The following NDUFS4 variants were observed in gnomAD, a reference collection of about 807,000 sequenced individuals.
NDUFS4 encodes the protein NADH dehydrogenase [ubiquinone] iron-sulfur protein 4, mitochondrial.
Under a neutral mutation model 24.3 loss-of-function variants are expected in NDUFS4, and 28 were observed. The observed-to-expected ratio is 1.15, with a 90% confidence interval of 0.85 to 1.58. NDUFS4 has a LOEUF of 1.58. NDUFS4 is among the 40% of genes most tolerant of loss of function. NDUFS4 has a pLI of 0.00. For missense variants in NDUFS4, 223 were observed against 207.9 expected (o/e 1.07, Z -0.45); for synonymous variants, 93 against 69.7 (o/e 1.34, Z -1.67).
At chr5:53,622,292 C>A (rs1751067059) in intron 2 of NDUFS4, among the ~76,000 whole-genome samples, 3 of 152,104 alleles carry the variant, frequency 2.0e-5, no homozygotes, top group Non-Finnish European at 4.4e-5. Context: ...GGTGCCACAA[C>A]AAAATACCAT....
chr5:53,588,676 A>G (rs948012021), intron 1 of NDUFS4, among the ~76,000 whole-genome samples: 1 of 152,152 alleles, frequency 6.6e-6, no homozygotes, highest in African/African-American at 2.4e-5. Context: ...AAAAAACAAT[A>G]TGTCAGTCCA....
At chr5:53,677,302 A>T in intron 4 of NDUFS4, among the ~76,000 whole-genome samples, 1 of 152,214 alleles carries the variant, frequency 6.6e-6, no homozygotes, top group Non-Finnish European at 1.5e-5. Context: ...GAGAGGTGGC[A>T]ATACTCTACA....
At chr5:53,635,624 T>C (rs1751529514) in intron 2 of NDUFS4, among the ~76,000 whole-genome samples, 1 of 152,246 alleles carries the variant, frequency 6.6e-6, no homozygotes, top group Admixed American at 6.5e-5. Flanking sequence ...GTTATACTTT[T>C]GTAATTCTAA....
intron 4 of NDUFS4, among the ~76,000 whole-genome samples, chr5:53,667,153 C>G (rs1337501445): frequency 6.6e-6 from 1 of 151,916 alleles, no homozygotes; most frequent in African/African-American, 2.4e-5. Context: ...AAATAAACAC[C>G]ATTGAAGCAT....
intron 1 of NDUFS4, among the ~76,000 whole-genome samples, chr5:53,598,327 T>C (rs1750194582): frequency 1.3e-5 from 2 of 152,188 alleles, no homozygotes; most frequent in South Asian, 4.1e-4. Flanking sequence ...ATAACCCCAA[T>C]GTTCATCAGT....
chr5:53,651,257 C>G (rs184231241), intron 3 of NDUFS4, among the ~76,000 whole-genome samples: 1 of 151,950 alleles, frequency 6.6e-6, no homozygotes, highest in East Asian at 1.9e-4. Flanking sequence ...CTTTTTTTAG[C>G]ATTTTAATGA....
chr5:53,661,300 C>T lies in NDUFS4; in HGVS notation c.424+2676C>T, dbSNP rs188406802. ...TGTTTTTGTCAGGTTTGTCAAAGATCAGATACTTGTAGATATGCGGCATTA... is the reference window on the plus strand; with the variant it reads ...TGTTTTTGTCAGGTTTGTCAAAGATTAGATACTTGTAGATATGCGGCATTA... On this transcript the variant is annotated intron_variant, in intron 4 of 4. Transcript: ENST00000296684. Among the ~76,000 whole-genome samples the T allele has an allele frequency of 3.1e-3, 467 of 152,248 alleles. 2 individuals are homozygous for T. Among genetic ancestry groups the T allele is most frequent in the African/African-American group, 1.0e-2 (415 of 41,538 alleles).
At chr5:53,670,875 G>A (rs563345905) in intron 4 of NDUFS4, among the ~76,000 whole-genome samples, 1 of 151,284 alleles carries the variant, frequency 6.6e-6, no homozygotes, top group African/African-American at 2.4e-5. Context: ...TACCTCTAGA[G>A]TATAGTATAG....
intron 2 of NDUFS4, among the ~76,000 whole-genome samples, chr5:53,630,457 A>G (rs113724844): frequency 4.2e-4 from 64 of 152,166 alleles, no homozygotes; most frequent in African/African-American, 1.3e-3. Context: ...TCTCCTGGAT[A>G]ATATCCTGAA....
chr5:53,562,696 C>A (rs912666693), intron 1 of NDUFS4, among the ~76,000 whole-genome samples: 4 of 152,124 alleles, frequency 2.6e-5, no homozygotes, highest in African/African-American at 7.2e-5. Context: ...AATTTATAGA[C>A]CCTCTCCCTT....
rs181403282 is a variant in NDUFS4 at position 53,664,577 on chromosome 5, C to A, written c.424+5953C>A. Among the ~76,000 whole-genome samples, 22 of 152,204 alleles carry A rather than the reference C, an allele frequency of 1.4e-4. No homozygotes were observed. In the South Asian group the frequency reaches 4.6e-3, roughly 32 times the overall value. Reference sequence around the variant, plus strand: ...ACTTCTCTTCTTGCTTCATTTCATTCATTTGATCTTGCCTCACTGATACCC... The same window carrying A: ...ACTTCTCTTCTTGCTTCATTTCATTAATTTGATCTTGCCTCACTGATACCC... On this transcript the variant is annotated intron_variant, in intron 4 of 4. Transcript: ENST00000296684.
chr5:53,642,930 A>G (rs570857113), intron 2 of NDUFS4, among the ~76,000 whole-genome samples: 4 of 152,270 alleles, frequency 2.6e-5, no homozygotes, highest in African/African-American at 9.6e-5. Flanking sequence ...TCTGTGAATT[A>G]TCATTGACTT....
At chr5:53,671,704 G>T (rs994827624) in intron 4 of NDUFS4, among the ~76,000 whole-genome samples, 2 of 152,158 alleles carry the variant, frequency 1.3e-5, no homozygotes, top group Non-Finnish European at 1.5e-5. Context: ...AGAAGGATGG[G>T]GGGTGGAGGA....
intron 1 of NDUFS4, among the ~76,000 whole-genome samples, chr5:53,570,797 C>A (rs1749187854): frequency 6.6e-6 from 1 of 150,876 alleles, no homozygotes; most frequent in African/African-American, 2.4e-5. Flanking sequence ...GATTGTCCTG[C>A]CTCAGCCTCC....
At chr5:53,562,315 G>C (rs990083145) in intron 1 of NDUFS4, among the ~76,000 whole-genome samples, 1 of 152,038 alleles carries the variant, frequency 6.6e-6, no homozygotes, top group Non-Finnish European at 1.5e-5. Flanking sequence ...CAGATTATAG[G>C]GATTAATTGT....
intron 1 of NDUFS4, among the ~76,000 whole-genome samples, chr5:53,570,596 T>C (rs1177099521): frequency 1.3e-5 from 2 of 152,092 alleles, no homozygotes; most frequent in Non-Finnish European, 2.9e-5. Flanking sequence ...TTTTCCAGAG[T>C]GGTTGTACCA....
rs372142898 is a variant in NDUFS4, at chr5:53,583,878, G to A, written c.99-19574G>A. Among the ~76,000 whole-genome samples, 15 of 152,182 alleles carry A rather than the reference G, an allele frequency of 9.9e-5. No homozygotes were observed. The East Asian group carries it at 2.3e-3, about 23-fold the overall frequency. Reference sequence around the variant, plus strand: ...TAAAAGTTGCCAAGTGTTGCCAACCGTGGTTGCCAAGACTGTACTGCACAT... The same window carrying A: ...TAAAAGTTGCCAAGTGTTGCCAACCATGGTTGCCAAGACTGTACTGCACAT... On this transcript the variant is annotated intron_variant, in intron 1 of 4. Coordinates refer to ENST00000296684, the MANE Select transcript of NDUFS4 (RefSeq NM_002495.4).
chr5:53,675,703 C>G (rs1305047853), intron 4 of NDUFS4, among the ~76,000 whole-genome samples: 1 of 152,128 alleles, frequency 6.6e-6, no homozygotes, highest in African/African-American at 2.4e-5. Flanking sequence ...AATAGATTAA[C>G]AAACTAGATT....
At chr5:53,608,383 A>G (rs1297450586) in intron 2 of NDUFS4, among the ~76,000 whole-genome samples, 1 of 152,202 alleles carries the variant, frequency 6.6e-6, no homozygotes, top group African/African-American at 2.4e-5. Context: ...ACTCTGACAC[A>G]CTGATTGACC....
Sources: gnomAD v4.1 joint callset for allele counts (sites outside exome capture counted in the v4.1 genomes callset) on GRCh38, gnomAD v4.1.1 for gene constraint, MANE v1.5 for transcripts, NCBI Gene and HGNC (gene_info 2026-07-23, HGNC 2026-07-21) for gene names.